The following TUB variants were observed in gnomAD, a reference collection of about 807,000 sequenced individuals.
The protein encoded by TUB is tubby protein homolog.
TUB carries 33 observed loss-of-function variants against 59.7 expected under a neutral mutation model. That is an observed-to-expected ratio of 0.55 (90% CI 0.42 to 0.74). The LOEUF is 0.74. TUB is among the 30% of genes least tolerant of loss of function. TUB has a pLI of 0.00. For missense variants in TUB, 659 were observed against 672.0 expected (o/e 0.98, Z 0.21); for synonymous variants, 293 against 256.4 (o/e 1.14, Z -1.36).
intron 4 of TUB, among the ~76,000 whole-genome samples, chr11:8,094,593 C>T (rs1215257065): frequency 3.3e-5 from 5 of 152,198 alleles, no homozygotes; most frequent in African/African-American, 4.8e-5. Context: ...CAGCCCTCGC[C>T]GTCAGCTCTT....
intron 6 of TUB, 47 bp downstream of exon 6, chr11:8,096,853 A>C (rs1300201194): frequency 2.5e-6 from 4 of 1,599,136 alleles, no homozygotes; most frequent in Non-Finnish European, 3.4e-6. Flanking sequence ...AGGACTGCTC[A>C]TCCGTTAGAG....
chr11:8,024,156 T>C (rs1942469351), intron 1 of TUB, among the ~76,000 whole-genome samples: 1 of 152,246 alleles, frequency 6.6e-6, no homozygotes, highest in African/African-American at 2.4e-5. Flanking sequence ...CTTCCCAGCT[T>C]GTATTACATG....
intron 2 of TUB, among the ~76,000 whole-genome samples, chr11:8,051,345 T>C (rs1394316001): frequency 6.6e-6 from 1 of 152,228 alleles, no homozygotes; most frequent in Non-Finnish European, 1.5e-5. Flanking sequence ...GAAAATACTG[T>C]TTTTAATGGC....
At chr11:8,028,672 T>C (rs973851388) in intron 1 of TUB, among the ~76,000 whole-genome samples, 4 of 152,184 alleles carry the variant, frequency 2.6e-5, no homozygotes, top group African/African-American at 9.7e-5. Flanking sequence ...ACTATTTGTT[T>C]CTACTTTTTC....
At chr11:8,039,192 A>G (rs1162148534) in intron 1 of TUB, among the ~76,000 whole-genome samples, 1 of 151,270 alleles carries the variant, frequency 6.6e-6, no homozygotes, top group African/African-American at 2.4e-5. Flanking sequence ...ATCCCCGCAA[A>G]CCCCTCTTGC....
At chr11:8,046,941 A>G (rs1942843839) in intron 2 of TUB, among the ~76,000 whole-genome samples, 1 of 152,214 alleles carries the variant, frequency 6.6e-6, no homozygotes, top group Admixed American at 6.5e-5. Flanking sequence ...AAAAATTTTC[A>G]TAATATTTTA....
chr11:8,049,689 C>T (rs1440460096), intron 2 of TUB, among the ~76,000 whole-genome samples: 1 of 151,422 alleles, frequency 6.6e-6, no homozygotes. Context: ...ACCATAATAA[C>T]ATATGTATGT....
chr11:8,047,421 TCTTG>T (rs1942852183), intron 2 of TUB, among the ~76,000 whole-genome samples: 1 of 152,190 alleles, frequency 6.6e-6, no homozygotes, highest in South Asian at 2.1e-4. Context: ...TAAGAACGTA[TCTTG>T]CTTAGCTCAG....
At chr11:8,065,666 G>A (rs939000742) in intron 2 of TUB, among the ~76,000 whole-genome samples, 1 of 152,216 alleles carries the variant, frequency 6.6e-6, no homozygotes, top group Non-Finnish European at 1.5e-5. Context: ...TCTAGACGAG[G>A]TGGAGGGTAA....
At chr11:8,097,906 C>T (rs980022986) in intron 8 of TUB, 80 bp downstream of exon 8, 5 of 1,085,572 alleles carry the variant, frequency 4.6e-6, no homozygotes, top group Non-Finnish European at 2.8e-6. Flanking sequence ...CCTGAATCTT[C>T]CTGAAGGAGA....
chr11:8,096,611 A>G (rs1944004164), intron 5 of TUB, 74 bp from the exon 6 acceptor site: 1 of 982,644 alleles, frequency 1.0e-6, no homozygotes, highest in East Asian at 2.4e-5. Flanking sequence ...GAACATGAGT[A>G]TGTGACCATG....
At chr11:8,059,383 A>C (rs1174007097) in intron 2 of TUB, among the ~76,000 whole-genome samples, 1 of 152,210 alleles carries the variant, frequency 6.6e-6, no homozygotes, top group Non-Finnish European at 1.5e-5. Flanking sequence ...CTGAGGCAGG[A>C]GCGAGGCTGG....
chr11:8,103,951 A>G lies in TUB; in HGVS notation c.*2332A>G, dbSNP rs749262409. The G allele has an allele frequency of 1.3e-5, 2 of 152,214 alleles. No homozygotes were observed. Among genetic ancestry groups the G allele is most frequent in the Non-Finnish European group, 2.9e-5 (2 of 68,056 alleles). The allele number at this position is 152,214 out of a possible 1,614,324, so 9.4% of individuals were successfully genotyped here. On this transcript the variant is annotated 3_prime_UTR_variant, in exon 12 of 12. Coordinates refer to ENST00000299506, the MANE Select transcript of TUB (RefSeq NM_177972.3). ...GCTGGATCTTTTGGTGGAGTCAGGA[A>G]AGACAGGCTGAGCTTTCTAGCCTAA...
intron 9 of TUB, among the ~76,000 whole-genome samples, chr11:8,099,166 G>A (rs550749205): frequency 6.6e-6 from 1 of 152,172 alleles, no homozygotes; most frequent in East Asian, 1.9e-4. Flanking sequence ...GTCGCCCTGG[G>A]TTCTTGTCTG....
Position 8,019,262 on chromosome 11 carries a change from C to A in TUB, c.-41C>A, listed in dbSNP as rs965205096. ...TGCGAGCCAGCCCCAAGCCCAGCGCCGCCGCCGCCCGCGGAGCCCCGAGCG... is the reference window on the plus strand; with the variant it reads ...TGCGAGCCAGCCCCAAGCCCAGCGCAGCCGCCGCCCGCGGAGCCCCGAGCG... On this transcript the variant is annotated 5_prime_UTR_variant, in exon 1 of 12. Transcript: ENST00000534099. 2.2e-5 allele frequency: 28 copies of A among 1,245,404 alleles called. No homozygotes were observed. In the African/African-American group the frequency reaches 3.4e-4, roughly 15 times the overall value. The allele number at this position is 1,245,404 out of a possible 1,614,324, so 77.1% of individuals were successfully genotyped here.
chr11:8,081,981 G>A (rs1943576646), intron 1 of TUB, among the ~76,000 whole-genome samples: 1 of 152,230 alleles, frequency 6.6e-6, no homozygotes, highest in South Asian at 2.1e-4. Context: ...CACTCTCAAA[G>A]CATGGATCCG....
chr11:8,097,021 C>T (rs754063223), intron 6 of TUB, among the ~76,000 whole-genome samples: 9 of 152,132 alleles, frequency 5.9e-5, no homozygotes, highest in Non-Finnish European at 7.4e-5. Context: ...GAGGACCTCC[C>T]GTATCTCCCA....
At position 8,103,981 on chromosome 11, in the gene TUB, G is replaced by A. The variant is rs1944412119; in HGVS notation, c.*2362G>A. ...AGGCTGAGCTTTCTAGCCTAAGTGT[G>A]GAGAAGGATAGCCTCAGCCACAAAA... On this transcript the variant is annotated 3_prime_UTR_variant, in exon 12 of 12. Transcript: ENST00000299506. The A allele has an allele frequency of 6.6e-6, 1 of 152,202 alleles. No homozygotes were observed. Among genetic ancestry groups the A allele is most frequent in the African/African-American group, 2.4e-5 (1 of 41,442 alleles). The allele number at this position is 152,202 out of a possible 1,614,324, so 9.4% of individuals were successfully genotyped here. A position where few individuals can be genotyped will look rare whatever the true frequency, so the allele number is the denominator to read the frequency against.
chr11:8,072,102 C>T (rs1943370337), intron 2 of TUB, among the ~76,000 whole-genome samples: 1 of 152,144 alleles, frequency 6.6e-6, no homozygotes, highest in Non-Finnish European at 1.5e-5. Context: ...ACATGGAGAG[C>T]AGGTGGGCTG....
Sources: gnomAD v4.1 joint callset for allele counts (sites outside exome capture counted in the v4.1 genomes callset) on GRCh38, gnomAD v4.1.1 for gene constraint, MANE v1.5 for transcripts, NCBI Gene and HGNC (gene_info 2026-07-23, HGNC 2026-07-21) for gene names.